Variants in CLEC19A observed in about 807,000 individuals in gnomAD.
CLEC19A encodes C-type lectin domain family 19 member A.
In CLEC19A, 21 loss-of-function variants were observed where a neutral mutation model predicts 26.1. The observed-to-expected ratio is 0.80, with a 90% CI of 0.57 to 1.16. The LOEUF (loss-of-function observed/expected upper bound fraction) is 1.16. CLEC19A is among the 50% of genes most tolerant of loss of function. CLEC19A has a pLI of 0.00. For synonymous variants in CLEC19A, 89 were observed against 88.6 expected (o/e 1.00, Z -0.03); for missense variants, 224 against 227.6 (o/e 0.98, Z 0.10).
chr16:19,303,627 A>G (rs1330593547), intron 2 of CLEC19A, among the ~76,000 whole-genome samples: 1 of 152,198 alleles, frequency 6.6e-6, no homozygotes, highest in Admixed American at 6.5e-5. Context: ...GTATGTGAAA[A>G]AAGACTAGGA....
At chr16:19,308,863 T>C in intron 4 of CLEC19A, 141 bp from the exon 5 acceptor site, 1 of 643,796 alleles carries the variant, frequency 1.6e-6, no homozygotes, top group Non-Finnish European at 2.8e-6. Context: ...GACAGCAGGC[T>C]TGTCAAGTAT....
At chr16:19,287,772 T>C (rs1439128956) in intron 1 of CLEC19A, among the ~76,000 whole-genome samples, 1 of 152,174 alleles carries the variant, frequency 6.6e-6, no homozygotes, top group Admixed American at 6.5e-5. Flanking sequence ...CAAGGGTCCT[T>C]ATCAAGGGTT....
At chr16:19,299,875 T>C (rs1160477813) in intron 2 of CLEC19A, among the ~76,000 whole-genome samples, 2 of 152,206 alleles carry the variant, frequency 1.3e-5, no homozygotes, top group East Asian at 3.8e-4. Context: ...TCTCAGAAAC[T>C]ACTTTAGAAA....
intron 1 of CLEC19A, among the ~76,000 whole-genome samples, chr16:19,289,051 A>G (rs2143008449): frequency 6.6e-6 from 1 of 152,310 alleles, no homozygotes; most frequent in East Asian, 1.9e-4. Context: ...CACTATGATC[A>G]TGCCCATTGT....
intron 1 of CLEC19A, among the ~76,000 whole-genome samples, chr16:19,294,256 A>G (rs1447462465): frequency 1.3e-5 from 2 of 152,248 alleles, no homozygotes; most frequent in East Asian, 3.9e-4. Context: ...CCGTGCAGAA[A>G]GGTCACATGA....
chr16:19,294,849 C>A (rs2521492), intron 1 of CLEC19A, among the ~76,000 whole-genome samples: 13,381 of 138,094 alleles, frequency 0.097, 747 homozygotes, highest in East Asian at 0.28. Context: ...TGAATGTTTG[C>A]TGTGATGTTT....
At chr16:19,308,877 C>A in intron 4 of CLEC19A, 127 bp from the exon 5 acceptor site, 1 of 690,478 alleles carries the variant, frequency 1.4e-6, no homozygotes, top group Non-Finnish European at 2.5e-6. Context: ...CAAGTATCAG[C>A]AAGAAAGGGC....
chr16:19,301,606 C>T (rs1329223485), intron 2 of CLEC19A, among the ~76,000 whole-genome samples: 3 of 152,082 alleles, frequency 2.0e-5, no homozygotes, highest in African/African-American at 7.2e-5. Context: ...GCCCTGTTGC[C>T]AGGCTGGAGT....
At chr16:19,307,057 T>G (rs994188635) in intron 3 of CLEC19A, among the ~76,000 whole-genome samples, 1 of 152,216 alleles carries the variant, frequency 6.6e-6, no homozygotes, top group African/African-American at 2.4e-5. Flanking sequence ...GACAGAGTAG[T>G]TCCACCTTAG....
chr16:19,303,235 C>T (rs2143010723), intron 2 of CLEC19A, among the ~76,000 whole-genome samples: 1 of 152,306 alleles, frequency 6.6e-6, no homozygotes, highest in African/African-American at 2.4e-5. Flanking sequence ...GTGTTCATTT[C>T]TCTACCTCTC....
intron 1 of CLEC19A, among the ~76,000 whole-genome samples, chr16:19,293,648 G>T (rs967291749): frequency 8.6e-5 from 13 of 151,976 alleles, no homozygotes; most frequent in African/African-American, 3.1e-4. Context: ...AAGAGACAGG[G>T]TCTCACTATG....
At chr16:19,294,155 A>AG (rs1284331509) in intron 1 of CLEC19A, among the ~76,000 whole-genome samples, 44 of 78,874 alleles carry the variant, frequency 5.6e-4, no homozygotes, top group African/African-American at 2.4e-3. Flanking sequence ...AAGTTTATTT[A>AG]AAAAAAAAAA....
chr16:19,308,870 G>C, intron 4 of CLEC19A, 134 bp from the exon 5 acceptor site: 1 of 662,190 alleles, frequency 1.5e-6, no homozygotes, highest in Non-Finnish European at 2.7e-6. Context: ...GGCTTGTCAA[G>C]TATCAGCAAG....
chr16:19,295,801 C>T (rs890779680), intron 1 of CLEC19A, among the ~76,000 whole-genome samples: 2 of 152,118 alleles, frequency 1.3e-5, no homozygotes, highest in African/African-American at 4.8e-5. Context: ...CTGAAAAAGT[C>T]GTCCCAAGCA....
intron 2 of CLEC19A, among the ~76,000 whole-genome samples, chr16:19,301,727 G>GTTT (rs1215000402): frequency 3.5e-5 from 1 of 28,554 alleles, no homozygotes; most frequent in South Asian, 1.6e-3. Flanking sequence ...CCATGCCCAG[G>GTTT]TTTTTTTGGT....
intron 2 of CLEC19A, among the ~76,000 whole-genome samples, chr16:19,303,309 C>T (rs936198514): frequency 6.6e-6 from 1 of 152,222 alleles, no homozygotes; most frequent in Non-Finnish European, 1.5e-5. Context: ...ATTCAACCAC[C>T]TATCCACCTA....
At chr16:19,289,999 C>A (rs533927776) in intron 1 of CLEC19A, among the ~76,000 whole-genome samples, 2 of 152,304 alleles carry the variant, frequency 1.3e-5, no homozygotes, top group East Asian at 3.9e-4. Flanking sequence ...TCCGCCTCCC[C>A]TCCTGGCTGG....
chr16:19,294,870 T>G (rs1169958447), intron 1 of CLEC19A, among the ~76,000 whole-genome samples: 1 of 152,182 alleles, frequency 6.6e-6, no homozygotes, highest in African/African-American at 2.4e-5. Context: ...TGTGTTGCTG[T>G]GCTGTGGGGT....
intron 4 of CLEC19A, among the ~76,000 whole-genome samples, chr16:19,308,416 A>G (rs2143011536): frequency 6.6e-6 from 1 of 152,340 alleles, no homozygotes; most frequent in African/African-American, 2.4e-5. Flanking sequence ...TCACAGGTTA[A>G]TGTGAATAAA....
Sources: allele counts gnomAD v4.1 joint callset (sites outside exome capture counted in the v4.1 genomes callset), GRCh38; gene constraint gnomAD v4.1.1; transcripts MANE v1.5; gene names NCBI Gene and HGNC (gene_info 2026-07-23, HGNC 2026-07-21).